RRP12: variants seen among roughly 807,000 people sequenced by gnomAD.
The protein encoded by RRP12 is ribosomal RNA processing 12 homolog, also known as RRP12-like protein.
In RRP12, 78 loss-of-function variants were observed where a neutral mutation model predicts 157.3. The ratio of observed to expected loss-of-function variants is 0.50; its 90% CI spans 0.41 to 0.60. The LOEUF (loss-of-function observed/expected upper bound fraction) is 0.60. RRP12 is among the 20% of genes least tolerant of loss of function. The pLI is 0.00. For missense variants in RRP12, 1,521 were observed against 1,679.9 expected (o/e 0.91, Z 1.65); for synonymous variants, 726 against 670.9 (o/e 1.08, Z -1.27).
rs72838759 is a variant in RRP12, at chr10:97,366,669, G to A, written c.3216-48C>T. 90 of 1,599,380 alleles carry A rather than the reference G, an allele frequency of 5.6e-5. 2 individuals carry two copies. In the Middle Eastern group the frequency reaches 8.4e-4, roughly 15 times the overall value. ...CAGAGTGCTCCCAGGAGAGGCGGGG[G>A]TCAGCGGGTATTGCCTGGGCAGGCC... is the stretch of plus-strand genomic sequence containing the variant. On this transcript the variant is annotated intron_variant, in intron 27 of 33. Coordinates refer to ENST00000370992, the MANE Select transcript of RRP12 (RefSeq NM_015179.4).
Position 97,379,775 on chromosome 10 carries a change from A to G in RRP12, c.1534-5T>C. The G allele has an allele frequency of 6.3e-7, 1 of 1,599,498 alleles. No individual in the cohort carries two copies. The highest frequency in any genetic ancestry group is 8.5e-7 in the Non-Finnish European group (1 of 1,173,048). On this transcript the variant is annotated splice_polypyrimidine_tract_variant and splice_region_variant and intron_variant, in intron 13 of 33. Transcript: ENST00000370992. ...GTCACACAGGGACTGGAGGCACTGC[A>G]GCAGAGATGAGTGACCACACATCAA...
intron 33 of RRP12, among the ~76,000 whole-genome samples, chr10:97,358,250 T>C (rs1843761081): frequency 1.3e-5 from 2 of 151,612 alleles, no homozygotes; most frequent in African/African-American, 4.8e-5. Flanking sequence ...GAAGACTAGC[T>C]TGAACCTGGG....
chr10:97,367,457 T>A (rs985187555), intron 25 of RRP12: 6 of 376,406 alleles, frequency 1.6e-5, no homozygotes, highest in Admixed American at 1.3e-4. Context: ...TCACCCCCTA[T>A]TTATAGAAGA....
chr10:97,383,771 C>T (rs1213788101), intron 10 of RRP12, among the ~76,000 whole-genome samples: 1 of 152,174 alleles, frequency 6.6e-6, no homozygotes, highest in Non-Finnish European at 1.5e-5. Context: ...GGAGTGGAGC[C>T]ACAGAAAGGA....
chr10:97,362,284 G>A (rs929668830), intron 30 of RRP12, among the ~76,000 whole-genome samples: 4 of 152,152 alleles, frequency 2.6e-5, no homozygotes, highest in South Asian at 2.1e-4. Context: ...TTAGAAAGCC[G>A]TGGTCGGTTC....
At chr10:97,360,514 T>C (rs764761824) in intron 31 of RRP12, 32 bp downstream of exon 31, 1 of 1,542,510 alleles carries the variant, frequency 6.5e-7, no homozygotes, top group Non-Finnish European at 9.0e-7. Flanking sequence ...CAGGGATCCA[T>C]GTGTCCCAGG....
chr10:97,400,395 A>G lies in RRP12; in HGVS notation c.279T>C (p.Gly93=), dbSNP rs1048442. The change falls in exon 2 of 34, where the codon GGT becomes GGC. Residue 93 remains glycine (G), a synonymous_variant. Coordinates refer to ENST00000370992, the MANE Select transcript of RRP12 (RefSeq NM_015179.4). ...AGTCGGAAAGGCCACTCAGGAAGGT[A>G]CCCGAGGACTTCTCGGTGAGAACCA... The part of the protein sequence containing the change: ...AELVLTEKSS[G]TFLSGLSDCT... The G allele has an allele frequency of 0.34, 541,355 of 1,612,738 alleles. 92,731 individuals carry two copies. Among genetic ancestry groups the G allele is most frequent in the African/African-American group, 0.5 (37,347 of 74,600 alleles).
At position 97,373,723 on chromosome 10, in the gene RRP12, C is replaced by G. The variant is rs773405408; in HGVS notation, c.1878G>C (p.Leu626=). Reference sequence around the variant, plus strand: ...CTGTAGGCCTTGTGCAGAACCCAGGCAGGAGTGTCCACATCTGGAGAAGGA... The same window carrying G: ...CTGTAGGCCTTGTGCAGAACCCAGGGAGGAGTGTCCACATCTGGAGAAGGA... ...DTLQWQMWTL[L]PGFCTRPTDV... The change falls in exon 17 of 34, where the codon CTG becomes CTC. Residue 626 remains leucine, a synonymous_variant. Transcript: ENST00000370992. 1 of 1,612,674 alleles carries G rather than the reference C, an allele frequency of 6.2e-7. No homozygotes were observed.
chr10:97,373,086 A>C lies in RRP12; in HGVS notation c.2141T>G (p.Leu714Arg). Reference protein sequence around the residue: ...GDTPAPRRAVLETIRTYLTIT... With the variant: ...GDTPAPRRAVRETIRTYLTIT... ...GGTGAGGTAAGTTCTGATGGTTTCC[A>C]GCACAGCCCGGCGAGGGGCTGGAGT... is the stretch of plus-strand genomic sequence containing the variant. The change falls in exon 18 of 34, where the codon CTG becomes CGG. Residue 714 changes from leucine to arginine, a missense_variant. Leu to Arg is a moderately radical substitution (Grantham distance 102, BLOSUM62 -2). Coordinates refer to ENST00000370992, the MANE Select transcript of RRP12 (RefSeq NM_015179.4). 6.2e-7 allele frequency: 1 copy of C among 1,614,002 alleles called. No individual in the cohort carries two copies. The highest frequency in any genetic ancestry group is 8.5e-7 in the Non-Finnish European group (1 of 1,179,920).
chr10:97,370,738 A>T lies in RRP12; in HGVS notation c.2561T>A (p.Phe854Tyr). 1 of 1,614,120 alleles carries T rather than the reference A, an allele frequency of 6.2e-7. No individual in the cohort carries two copies. Among genetic ancestry groups the T allele is most frequent in the East Asian group, 2.2e-5 (1 of 44,870 alleles). Residue 854 changes from phenylalanine to tyrosine, a missense_variant, in exon 22 of 34, where the codon TTC becomes TAC. Physicochemically the swap from Phe to Tyr is conservative, Grantham distance 22 (BLOSUM62 3). Transcript: ENST00000370992. ...VRKLSAEHKE[F>Y]ITALIPEVIL... ...CACCTCTGGGATGAGGGCAGTGATG[A>T]ACTCCTTGTGTTCAGCTGAGAGCTT...
Position 97,393,675 on chromosome 10 carries a change from A to C in RRP12, c.530+9T>G, listed in dbSNP as rs1564769535. The C allele has an allele frequency of 1.2e-6, 2 of 1,613,196 alleles. No homozygotes were observed. Among genetic ancestry groups the C allele is most frequent in the East Asian group, 4.5e-5 (2 of 44,874 alleles). On this transcript the variant is annotated intron_variant, in intron 4 of 33. Coordinates refer to ENST00000370992, the MANE Select transcript of RRP12 (RefSeq NM_015179.4). ...AAGCCTTGGGGTTCAAACAGGAGGC[A>C]GAACTCACCGCTTCAGGACAAGGTT...
At chr10:97,384,256 G>A (rs1018691454) in intron 10 of RRP12, among the ~76,000 whole-genome samples, 9 of 137,846 alleles carry the variant, frequency 6.5e-5, no homozygotes, top group African/African-American at 1.7e-4. Context: ...TGAGCACCCC[G>A]AACCTTGGCA....
chr10:97,361,792 T>C (rs560946871), intron 30 of RRP12, among the ~76,000 whole-genome samples: 1 of 152,284 alleles, frequency 6.6e-6, no homozygotes, highest in African/African-American at 2.4e-5. Flanking sequence ...CAGCACTTCA[T>C]GCTTCCACAA....
At chr10:97,366,977 T>C in intron 26 of RRP12, 64 bp downstream of exon 26, 15 of 1,609,908 alleles carry the variant, frequency 9.3e-6, no homozygotes, top group Non-Finnish European at 1.1e-5. Context: ...GTAGTGTCCC[T>C]GGTAGGACTG....
At chr10:97,369,309 T>C in intron 25 of RRP12, 116 bp downstream of exon 25, 1 of 1,091,708 alleles carries the variant, frequency 9.2e-7, no homozygotes, top group Admixed American at 2.2e-5. Context: ...GGCTCCTTAA[T>C]GACCTCTGGC....
chr10:97,390,890 G>C (rs771466421), intron 4 of RRP12, 46 bp from the exon 5 acceptor site: 9 of 1,224,502 alleles, frequency 7.3e-6, no homozygotes, highest in Non-Finnish European at 9.7e-6. Context: ...TCCCTGAAGA[G>C]CAGCTGGTGC....
At chr10:97,400,703 G>A (rs1324025125) in intron 1 of RRP12, among the ~76,000 whole-genome samples, 169 bp from the exon 2 acceptor site, 2 of 152,134 alleles carry the variant, frequency 1.3e-5, no homozygotes, top group Non-Finnish European at 2.9e-5. Flanking sequence ...GAAAAACCAA[G>A]GAGAAAGGGA....
intron 3 of RRP12, among the ~76,000 whole-genome samples, chr10:97,395,314 G>A (rs1215923945): frequency 4.6e-5 from 7 of 152,066 alleles, no homozygotes; most frequent in African/African-American, 1.7e-4. Context: ...ACTTTGGGAG[G>A]CTGAGGTAGG....
chr10:97,380,866 G>A lies in RRP12; in HGVS notation c.1466C>T (p.Ser489Phe). The A allele has an allele frequency of 6.2e-7, 1 of 1,614,164 alleles. No individual in the cohort carries two copies. Among genetic ancestry groups the A allele is most frequent in the Non-Finnish European group, 8.5e-7 (1 of 1,180,024 alleles). ...LTYKFHAAWS[S>F]VLQLLCVFFE... ...GAAGACACACAGCAGCTGCAACACG[G>A]AGCTCCAGGCCGCATGGAATTTGTA... The change falls in exon 13 of 34, where the codon TCC (serine) becomes TTC (phenylalanine). Residue 489 changes from serine to phenylalanine, a missense_variant. Physicochemically the swap from Ser to Phe is radical, Grantham distance 155 (BLOSUM62 -2). Transcript: ENST00000370992.
Sources: gnomAD v4.1 joint callset for allele counts (sites outside exome capture counted in the v4.1 genomes callset) on GRCh38, gnomAD v4.1.1 for gene constraint, MANE v1.5 for transcripts, NCBI Gene and HGNC (gene_info 2026-07-23, HGNC 2026-07-21) for gene names.